The following CAST variants were observed in gnomAD, a reference collection of about 807,000 sequenced individuals.
The protein encoded by CAST is MIR583 host.
Under a neutral mutation model 119.6 loss-of-function variants are expected in CAST, and 76 were observed. The observed-to-expected ratio is 0.64, with a 90% CI of 0.53 to 0.77. The LOEUF (loss-of-function observed/expected upper bound fraction) is 0.77, where lower values mean the gene tolerates loss of function less well. CAST is among the 30% of genes least tolerant of loss of function. The pLI is 0.00. For synonymous variants in CAST, 319 were observed against 331.6 expected, an observed-to-expected ratio of 0.96 and a Z score of 0.41; for missense variants, 953 against 946.5, an observed-to-expected ratio of 1.01 and a Z score of -0.09.
the CAST span, among the ~76,000 whole-genome samples, chr5:96,347,743 C>T: frequency 6.6e-6 from 1 of 152,246 alleles, no homozygotes; most frequent in Non-Finnish European, 1.5e-5. Context: ...CAGTTCTAAA[C>T]CCCACAGGAA....
intron 1 of CAST, among the ~76,000 whole-genome samples, chr5:96,641,862 A>G (rs771425340): frequency 4.6e-5 from 7 of 152,206 alleles, no homozygotes; most frequent in Non-Finnish European, 8.8e-5. Context: ...ATAATATTGT[A>G]ACAGGCTAGA....
chr5:96,120,154 G>A, the CAST span, among the ~76,000 whole-genome samples: 1 of 152,062 alleles, frequency 6.6e-6, no homozygotes, highest in Non-Finnish European at 1.5e-5. Context: ...TCCTTTTGGG[G>A]TGTTATCTCT....
At chr5:96,503,736 C>T in the CAST span, among the ~76,000 whole-genome samples, 1 of 152,216 alleles carries the variant, frequency 6.6e-6, no homozygotes, top group Non-Finnish European at 1.5e-5. Flanking sequence ...AGCCCAAGCG[C>T]AGCAGCCCAA....
At chr5:96,324,580 T>G in the CAST span, among the ~76,000 whole-genome samples, 2 of 152,226 alleles carry the variant, frequency 1.3e-5, no homozygotes, top group African/African-American at 4.8e-5. Context: ...TGGTAATTCT[T>G]TATTTGTAAT....
At chr5:96,593,757 C>T (rs1747004759) in intron 1 of CAST, among the ~76,000 whole-genome samples, 1 of 152,168 alleles carries the variant, frequency 6.6e-6, no homozygotes, top group African/African-American at 2.4e-5. Flanking sequence ...CTCTCTTGCC[C>T]TCTTTCCACC....
At chr5:95,991,491 A>G in the CAST span, among the ~76,000 whole-genome samples, 1 of 143,816 alleles carries the variant, frequency 7.0e-6, no homozygotes, top group Non-Finnish European at 1.5e-5. Flanking sequence ...GTTAACAACA[A>G]GTTTTGTTTT....
At chr5:96,503,860 G>A in the CAST span, among the ~76,000 whole-genome samples, 751 of 152,132 alleles carry the variant, frequency 4.9e-3, 1 homozygote, top group Non-Finnish European at 6.7e-3. Flanking sequence ...TCGTAAGAGC[G>A]CTTCACTCTC....
At chr5:96,161,210 T>G in the CAST span, among the ~76,000 whole-genome samples, 3 of 152,150 alleles carry the variant, frequency 2.0e-5, no homozygotes, top group African/African-American at 7.2e-5. Flanking sequence ...GATTTCCTCC[T>G]TTGTTTTCAT....
chr5:96,156,064 A>G, the CAST span, among the ~76,000 whole-genome samples: 1 of 152,366 alleles, frequency 6.6e-6, no homozygotes, highest in Middle Eastern at 3.4e-3. Context: ...AGTGTATTTT[A>G]TATCGTATTG....
chr5:96,750,508 G>T, intron 19 of CAST, 79 bp from the exon 20 acceptor site: 1 of 827,602 alleles, frequency 1.2e-6, no homozygotes, highest in African/African-American at 1.7e-5. Context: ...GTAGCGGAGT[G>T]TCTTGTTGGT....
intron 16 of CAST, 84 bp downstream of exon 16, chr5:96,742,840 C>T (rs1025979512): frequency 3.2e-6 from 3 of 947,938 alleles, no homozygotes; most frequent in Non-Finnish European, 5.0e-6. Context: ...AGAATTCTCG[C>T]ACAACTTTTA....
At chr5:96,052,370 A>G in the CAST span, among the ~76,000 whole-genome samples, 996 of 152,290 alleles carry the variant, frequency 6.5e-3, 13 homozygotes, top group African/African-American at 0.023. Context: ...GAAAGTGATG[A>G]GTACAAGACA....
chr5:96,347,856 G>T, the CAST span, among the ~76,000 whole-genome samples: 3 of 152,180 alleles, frequency 2.0e-5, no homozygotes, highest in African/African-American at 7.2e-5. Context: ...CACTAACCGT[G>T]TCTACTATGA....
At chr5:96,262,532 GT>G in the CAST span, among the ~76,000 whole-genome samples, 18 of 151,870 alleles carry the variant, frequency 1.2e-4, 1 homozygote, top group Admixed American at 1.2e-3. Context: ...TTGTTGTTTT[GT>G]TTTTGTTTTT....
the CAST span, among the ~76,000 whole-genome samples, chr5:96,434,514 T>A: frequency 6.6e-6 from 1 of 152,158 alleles, no homozygotes; most frequent in South Asian, 2.1e-4. Context: ...TCGTGACAAC[T>A]TGTGTCCAGC....
At chr5:96,737,304 C>A (rs924382706) in intron 10 of CAST, among the ~76,000 whole-genome samples, 1 of 148,522 alleles carries the variant, frequency 6.7e-6, no homozygotes, top group African/African-American at 2.5e-5. Context: ...CCTCTTCAGG[C>A]AAGCAAGTGA....
the CAST span, among the ~76,000 whole-genome samples, chr5:96,355,234 T>C: frequency 7.1e-6 from 1 of 141,098 alleles, no homozygotes; most frequent in Non-Finnish European, 1.5e-5. Context: ...CCTGTGTCCA[T>C]GTGTTCTCCT....
chr5:96,400,944 G>A, the CAST span, among the ~76,000 whole-genome samples: 11 of 151,326 alleles, frequency 7.3e-5, no homozygotes, highest in Non-Finnish European at 1.5e-4. Flanking sequence ...AAAATTAGCC[G>A]GGCGCGGTGG....
the CAST span, among the ~76,000 whole-genome samples, chr5:96,512,477 C>A: frequency 6.6e-6 from 1 of 152,126 alleles, no homozygotes; most frequent in African/African-American, 2.4e-5. Context: ...CATAGTATAA[C>A]CTCATTAAGT....
Sources: gnomAD v4.1 joint callset for allele counts (sites outside exome capture counted in the v4.1 genomes callset) on GRCh38, gnomAD v4.1.1 for gene constraint, MANE v1.5 for transcripts, NCBI Gene and HGNC (gene_info 2026-07-23, HGNC 2026-07-21) for gene names.